Variants in WDR33 observed in about 807,000 individuals in gnomAD.
WDR33 encodes the protein WD repeat domain 33.
WDR33 carries 47 observed loss-of-function variants against 164.9 expected under a neutral mutation model. The ratio of observed to expected loss-of-function variants is 0.29; its 90% confidence interval spans 0.23 to 0.36. The LOEUF (loss-of-function observed/expected upper bound fraction) is 0.36. Among genes scored for constraint, WDR33 ranks in the 10% least tolerant of loss-of-function variants. The pLI, the probability that WDR33 is intolerant of heterozygous loss-of-function variation, is 1.00. For synonymous variants in WDR33, 505 were observed against 589.0 expected (o/e 0.86, Z 2.06); for missense variants, 1,137 against 1,754.1 (o/e 0.65, Z 6.28).
At position 127,716,497 on chromosome 2, in the gene WDR33, G is replaced by A. The variant is rs537885786; in HGVS notation, c.2869+658C>T. Reference sequence around the variant, plus strand: ...ACCCCCTGCAACTCTCCCCAACAGCGTGCTGCTCACCACGCTCCTGCTCCA... The same window carrying A: ...ACCCCCTGCAACTCTCCCCAACAGCATGCTGCTCACCACGCTCCTGCTCCA... On this transcript the variant is annotated intron_variant, in intron 17 of 21. Coordinates refer to ENST00000322313, the MANE Select transcript of WDR33 (RefSeq NM_018383.5). The surrounding 1 kb of genome is among the most constrained non-coding windows in gnomAD (Gnocchi z 4.5). 1.8e-4 allele frequency among the ~76,000 whole-genome samples: 27 copies of A among 152,228 alleles called. No individual in the cohort carries two copies. The highest frequency in any genetic ancestry group is 6.3e-4 in the African/African-American group (26 of 41,546).
Position 127,741,527 on chromosome 2 carries a change from C to T in WDR33, c.725-14750G>A, listed in dbSNP as rs1365810322. 2.0e-5 allele frequency among the ~76,000 whole-genome samples: 3 copies of T among 152,130 alleles called. No homozygotes were observed. Among genetic ancestry groups the T allele is most frequent in the Admixed American group, 6.5e-5 (1 of 15,278 alleles). On this transcript the variant is annotated intron_variant, in intron 7 of 21. Transcript: ENST00000322313. This position sits in a 1 kb window ranked among gnomAD's most constrained non-coding sequence, Gnocchi z 4.1. The stretch of plus-strand genomic sequence containing the variant: ...ATGTACAAGCACACACACAGACACA[C>T]GAATCCACAGTGAGATCTTCCATCC...
chr2:127,744,367 T>G (rs1408459838), intron 7 of WDR33, among the ~76,000 whole-genome samples: 2 of 152,162 alleles, frequency 1.3e-5, no homozygotes, highest in Non-Finnish European at 2.9e-5. Context: ...CAGTGAGGAA[T>G]AGTTAAATAA....
intron 21 of WDR33, among the ~76,000 whole-genome samples, chr2:127,707,164 T>C (rs1351224493): frequency 6.6e-6 from 1 of 150,518 alleles, no homozygotes; most frequent in Non-Finnish European, 1.5e-5. Context: ...TGCTTCAGAC[T>C]AGTATGCACA....
rs2105382797 is a variant in WDR33, at chr2:127,722,101, A to C, written c.1519-113T>G. On this transcript the variant is annotated intron_variant, in intron 14 of 21. Transcript: ENST00000322313. The surrounding 1 kb of genome is among the most constrained non-coding windows in gnomAD (Gnocchi z 5.1). ...TCAATCTAACCTCTGAACCGATTTT[A>C]TTTCTTTTTACCTTTTCTCCATGAC... is the stretch of plus-strand genomic sequence containing the variant. 6 of 1,238,150 alleles carry C rather than the reference A, an allele frequency of 4.8e-6. No homozygotes were observed. The highest frequency in any genetic ancestry group is 1.5e-5 in the African/African-American group (1 of 65,188). 76.7% of individuals were successfully genotyped at this position (1,238,150 alleles called of 1,614,324 possible). A position where few individuals can be genotyped will look rare whatever the true frequency, so the allele number is the denominator to read the frequency against.
Position 127,721,811 on chromosome 2 carries a change from T to A in WDR33, c.1671+25A>T, listed in dbSNP as rs775548277. The A allele has an allele frequency of 5.0e-6, 8 of 1,585,712 alleles. No homozygotes were observed. Among genetic ancestry groups the A allele is most frequent in the Non-Finnish European group, 6.8e-6 (8 of 1,169,086 alleles). On this transcript the variant is annotated intron_variant, in intron 15 of 21. Coordinates refer to ENST00000322313, the MANE Select transcript of WDR33 (RefSeq NM_018383.5). The surrounding 1 kb of genome is among the most constrained non-coding windows in gnomAD (Gnocchi z 4.9). The stretch of plus-strand genomic sequence containing the variant: ...CACTACCCTCTTAGATCATCTTGAA[T>A]TCCCCCCTACAGAGCTTCACACACC...
intron 2 of WDR33, among the ~76,000 whole-genome samples, 195 bp from the exon 3 acceptor site, chr2:127,769,196 C>G (rs1475264867): frequency 6.6e-6 from 1 of 152,122 alleles, no homozygotes; most frequent in East Asian, 1.9e-4. Flanking sequence ...ACTAACATTG[C>G]TTAGAACTTC....
chr2:127,809,834 C>G (rs1338767240), intron 1 of WDR33, among the ~76,000 whole-genome samples: 1 of 152,122 alleles, frequency 6.6e-6, no homozygotes, highest in East Asian at 1.9e-4. Context: ...TATGGAACTT[C>G]AAGTCTCAGC....
At chr2:127,797,373 T>G (rs985897492) in intron 1 of WDR33, among the ~76,000 whole-genome samples, 26 of 152,082 alleles carry the variant, frequency 1.7e-4, no homozygotes, top group African/African-American at 6.0e-4. Flanking sequence ...ACACCTGTAA[T>G]CCCAGCTACT....
chr2:127,709,427 C>T lies in WDR33; in HGVS notation c.3565+63G>A. 1 of 1,521,424 alleles carries T rather than the reference C, an allele frequency of 6.6e-7. No homozygotes were observed. Among genetic ancestry groups the T allele is most frequent in the Non-Finnish European group, 9.1e-7 (1 of 1,098,246 alleles). The allele number at this position is 1,521,424 out of a possible 1,614,324, so 94.2% of individuals were successfully genotyped here. A position where few individuals can be genotyped will look rare whatever the true frequency, so the allele number is the denominator to read the frequency against. On this transcript the variant is annotated intron_variant, in intron 20 of 21. Coordinates refer to ENST00000322313, the MANE Select transcript of WDR33 (RefSeq NM_018383.5). This position sits in a 1 kb window ranked among gnomAD's most constrained non-coding sequence, Gnocchi z 5.0. ...GAGACCCGGTGCACCCCAGAGAGGG[C>T]CCTCAGAACTCACTTTGTGAACTGC...
At chr2:127,739,906 G>A (rs931859807) in intron 7 of WDR33, among the ~76,000 whole-genome samples, 1 of 152,068 alleles carries the variant, frequency 6.6e-6, no homozygotes, top group Non-Finnish European at 1.5e-5. Flanking sequence ...AATGACTCCA[G>A]AAAAAATAAC....
Position 127,701,551 on chromosome 2 carries a change from T to C in WDR33, c.*4772A>G, listed in dbSNP as rs1214418226. ...AAGATGGCGGACCTCCACCGCCAGC[T>C]GCAGGAGTACCTGGCGCAGGGGAAA... On this transcript the variant is annotated 3_prime_UTR_variant, in exon 22 of 22. Coordinates refer to ENST00000322313, the MANE Select transcript of WDR33 (RefSeq NM_018383.5). 1.3e-5 allele frequency: 18 copies of C among 1,360,554 alleles called. No individual in the cohort carries two copies. The highest frequency in any genetic ancestry group is 3.0e-5 in the African/African-American group (2 of 65,918). The allele number at this position is 1,360,554 out of a possible 1,614,324, so 84.3% of individuals were successfully genotyped here.
intron 1 of WDR33, among the ~76,000 whole-genome samples, chr2:127,804,338 T>C (rs1479529583): frequency 6.6e-6 from 1 of 151,948 alleles, no homozygotes; most frequent in Non-Finnish European, 1.5e-5. Context: ...AGAAAAGAAA[T>C]ATCTAGATTG....
In WDR33 at chr2:127,708,807, G is replaced by A. The variant is rs1451982765; in HGVS notation, c.3651C>T (p.Ser1217=). ...DGHSPASRER[S]SSLQGMDMAS... The stretch of plus-strand genomic sequence containing the variant: ...CCATGTCCATGCCTTGGAGAGAAGA[G>A]GAGCGTTCTCTGCTGGCTGGGGAAT... Residue 1217 remains serine, a synonymous_variant, in exon 21 of 22, where the codon TCC becomes TCT. Coordinates refer to ENST00000322313, the MANE Select transcript of WDR33 (RefSeq NM_018383.5). The surrounding 1 kb of genome is among the most constrained non-coding windows in gnomAD (Gnocchi z 6.7). The A allele has an allele frequency of 1.2e-6, 2 of 1,613,436 alleles. No homozygotes were observed. The highest frequency in any genetic ancestry group is 1.7e-5 in the Admixed American group (1 of 59,906).
chr2:127,803,665 A>G (rs1689330798), intron 1 of WDR33, among the ~76,000 whole-genome samples: 1 of 152,192 alleles, frequency 6.6e-6, no homozygotes, highest in Non-Finnish European at 1.5e-5. Flanking sequence ...AAATGCATAC[A>G]CCACCAAGCA....
intron 7 of WDR33, among the ~76,000 whole-genome samples, chr2:127,750,680 ATATATATATATATATATAT>A (rs1687312544): frequency 6.0e-5 from 2 of 33,316 alleles, no homozygotes; most frequent in South Asian, 2.0e-3. Flanking sequence ...AAAAAAAAAT[ATATATATATATATATATAT>A]ATATATATAT....
At chr2:127,807,218 CTG>C (rs1689470331) in intron 1 of WDR33, among the ~76,000 whole-genome samples, 1 of 152,158 alleles carries the variant, frequency 6.6e-6, no homozygotes, top group African/African-American at 2.4e-5. Context: ...GTTGGCCAGG[CTG>C]GTCTTGAACT....
chr2:127,708,603 T>C lies in WDR33; in HGVS notation c.3781+74A>G. The C allele has an allele frequency of 1.4e-6, 2 of 1,455,148 alleles. No homozygotes were observed. Among genetic ancestry groups the C allele is most frequent in the Non-Finnish European group, 1.9e-6 (2 of 1,078,988 alleles). 90.1% of individuals were successfully genotyped at this position (1,455,148 alleles called of 1,614,324 possible). Reference sequence around the variant, plus strand: ...CTGCACAGCCCAGGCTGCAAGGGCATGTGCAGCAGATACAGGCAAGGCCTC... The same window carrying C: ...CTGCACAGCCCAGGCTGCAAGGGCACGTGCAGCAGATACAGGCAAGGCCTC... On this transcript the variant is annotated intron_variant, in intron 21 of 21. Transcript: ENST00000322313. The surrounding 1 kb of genome is among the most constrained non-coding windows in gnomAD (Gnocchi z 6.7).
intron 1 of WDR33, among the ~76,000 whole-genome samples, chr2:127,773,794 C>T (rs910466049): frequency 1.1e-4 from 17 of 152,214 alleles, no homozygotes; most frequent in Admixed American, 4.6e-4. Context: ...GATGGGGTCT[C>T]GCTCTGTTGC....
At chr2:127,788,268 C>T (rs1462399339) in intron 1 of WDR33, among the ~76,000 whole-genome samples, 1 of 131,608 alleles carries the variant, frequency 7.6e-6, no homozygotes, top group Admixed American at 7.1e-5. Context: ...ACCTCCCTCC[C>T]GGACAGGGCG....
Sources: gnomAD v4.1 joint callset for allele counts (sites outside exome capture counted in the v4.1 genomes callset) on GRCh38, gnomAD v4.1.1 for gene constraint, Gnocchi (gnomAD v3.1) non-coding constraint, MANE v1.5 for transcripts, NCBI Gene and HGNC (gene_info 2026-07-23, HGNC 2026-07-21) for gene names.